GPR141: variants seen among roughly 807,000 people sequenced by gnomAD.
The protein encoded by GPR141 is probable G protein-coupled receptor 141.
A neutral mutation model predicts 6.8 loss-of-function variants in GPR141; 6 were observed. That is an observed-to-expected ratio of 0.88 (90% CI 0.48 to 1.74). The LOEUF is 1.74. Among genes scored for constraint, GPR141 ranks in the 40% most tolerant of loss-of-function variants. The pLI, the probability that GPR141 is intolerant of heterozygous loss-of-function variation, is 0.01. For synonymous variants in GPR141, 140 were observed against 142.3 expected (o/e 0.98, Z 0.11); for missense variants, 372 against 372.9 (o/e 1.00, Z 0.02).
At chr7:37,703,402 T>C (rs1810381504) in intron 2 of GPR141, among the ~76,000 whole-genome samples, 1 of 152,208 alleles carries the variant, frequency 6.6e-6, no homozygotes, top group Non-Finnish European at 1.5e-5. Context: ...AATCTGATGA[T>C]TGATGTTTTT....
In GPR141 at chr7:37,740,918, C is replaced by T. The variant is rs1231732978; in HGVS notation, c.525C>T (p.Tyr175=). 6.2e-7 allele frequency: 1 copy of T among 1,613,970 alleles called. No homozygotes were observed. Among genetic ancestry groups the T allele is most frequent in the African/African-American group, 1.3e-5 (1 of 74,920 alleles). ...HCFKFHKELA[Y]TYVKIINYMI... ...TTAAATTTCACAAAGAGCTTGCTTA[C>T]ACATATGTGAAAATCATCAACTATA... The change falls in exon 3 of 3, where the codon TAC becomes TAT. Residue 175 remains tyrosine, a synonymous_variant. Coordinates refer to ENST00000334425, the MANE Select transcript of GPR141 (RefSeq NM_001381946.1).
At chr7:37,720,113 G>T (rs1445524183) in intron 2 of GPR141, among the ~76,000 whole-genome samples, 1 of 152,216 alleles carries the variant, frequency 6.6e-6, no homozygotes, top group African/African-American at 2.4e-5. Flanking sequence ...GGTGTCGGGA[G>T]ATTGATGGGG....
intron 2 of GPR141, among the ~76,000 whole-genome samples, chr7:37,720,717 G>T (rs962426802): frequency 6.7e-6 from 1 of 149,934 alleles, no homozygotes; most frequent in Non-Finnish European, 1.5e-5. Flanking sequence ...CTCCAGGCTG[G>T]GCAAAAGCCA....
At chr7:37,697,086 C>T (rs1239741918) in intron 2 of GPR141, among the ~76,000 whole-genome samples, 1 of 152,052 alleles carries the variant, frequency 6.6e-6, no homozygotes. Context: ...ATATGTAAAA[C>T]TAATGCCAAG....
At chr7:37,714,837 C>A (rs1224690361) in intron 2 of GPR141, among the ~76,000 whole-genome samples, 2 of 152,170 alleles carry the variant, frequency 1.3e-5, no homozygotes. Flanking sequence ...CTATTATGTT[C>A]TTTGCAATGG....
rs191328161 is a variant in GPR141, at chr7:37,736,747, C to T, written c.-14-3633C>T. Among the ~76,000 whole-genome samples the T allele has an allele frequency of 2.1e-3, 312 of 152,012 alleles. 1 individual carries two copies. The highest frequency in any genetic ancestry group is 3.7e-3 in the Non-Finnish European group (249 of 67,964). On this transcript the variant is annotated intron_variant, in intron 2 of 2. Transcript: ENST00000334425. ...GAAAACATTTTCAGACACACACATA[C>T]GAAAGCTGAGAGAATTTATCCCTAA...
rs147676622 is a variant in GPR141, at chr7:37,717,455, T to C, written c.-14-22925T>C. On this transcript the variant is annotated intron_variant, in intron 2 of 2. Coordinates refer to ENST00000334425, the MANE Select transcript of GPR141 (RefSeq NM_001381946.1). ...TGGAGGTTGTGTATTTGCTGATTGATGCATTTCAGACCATAATGGAGAAGA... is the reference window on the plus strand; with the variant it reads ...TGGAGGTTGTGTATTTGCTGATTGACGCATTTCAGACCATAATGGAGAAGA... 2.5e-3 allele frequency among the ~76,000 whole-genome samples: 381 copies of C among 152,358 alleles called. 2 individuals carry two copies. The highest frequency in any genetic ancestry group is 8.9e-3 in the African/African-American group (370 of 41,588).
chr7:37,692,187 C>T (rs919299741), intron 2 of GPR141, among the ~76,000 whole-genome samples: 5 of 152,100 alleles, frequency 3.3e-5, no homozygotes, highest in African/African-American at 1.2e-4. Context: ...TGATGTTCCC[C>T]TCCCTGTGTC....
intron 2 of GPR141, among the ~76,000 whole-genome samples, chr7:37,739,653 G>A (rs1812432050): frequency 6.6e-6 from 1 of 152,134 alleles, no homozygotes; most frequent in East Asian, 1.9e-4. Context: ...TTGTGGAGCG[G>A]ATCTTTCAGG....
At chr7:37,685,752 CTTTTTTTTTTT>C (rs35789715) in intron 2 of GPR141, among the ~76,000 whole-genome samples, 169 bp downstream of exon 2, 1 of 113,144 alleles carries the variant, frequency 8.8e-6, no homozygotes, top group Non-Finnish European at 1.8e-5. Flanking sequence ...CCTGGCAGCA[CTTTTTTTTTTT>C]TTTTTTTTTT....
At chr7:37,724,736 C>T (rs750893742) in intron 2 of GPR141, among the ~76,000 whole-genome samples, 3 of 152,210 alleles carry the variant, frequency 2.0e-5, no homozygotes, top group Non-Finnish European at 4.4e-5. Context: ...CATTTGTCTG[C>T]TGACAACCTT....
intron 2 of GPR141, among the ~76,000 whole-genome samples, chr7:37,698,221 G>C (rs943081254): frequency 2.6e-5 from 4 of 152,190 alleles, no homozygotes; most frequent in Non-Finnish European, 4.4e-5. Context: ...AAAAGGAAGA[G>C]AGTGATATCT....
At chr7:37,731,689 TGATCCGCCC>T (rs910498198) in intron 2 of GPR141, among the ~76,000 whole-genome samples, 1 of 152,212 alleles carries the variant, frequency 6.6e-6, no homozygotes, top group Non-Finnish European at 1.5e-5. Flanking sequence ...CCTGACCTCG[TGATCCGCCC>T]GCCTCGGCCT....
At chr7:37,691,428 T>TA (rs1809762785) in intron 2 of GPR141, among the ~76,000 whole-genome samples, 2 of 151,904 alleles carry the variant, frequency 1.3e-5, no homozygotes, top group Non-Finnish European at 2.9e-5. Flanking sequence ...GAGAATTTAA[T>TA]CCATTTACAT....
Position 37,740,513 on chromosome 7 carries a change from C to T in GPR141, c.120C>T (p.Phe40=), listed in dbSNP as rs770073216. Residue 40 remains phenylalanine (F), a synonymous_variant, in exon 3 of 3, where the codon TTC becomes TTT. Coordinates refer to ENST00000334425, the MANE Select transcript of GPR141 (RefSeq NM_001381946.1). The part of the protein sequence containing the change: ...GGLVGVISIL[F]LLVKMNTRSV... Reference sequence around the variant, plus strand: ...TGGTGGGTGTCATTTCCATTCTTTTCCTCCTGGTGAAAATGAACACCCGGT... The same window carrying T: ...TGGTGGGTGTCATTTCCATTCTTTTTCTCCTGGTGAAAATGAACACCCGGT... 100 of 1,613,818 alleles carry T rather than the reference C, an allele frequency of 6.2e-5. No homozygotes were observed. The highest frequency in any genetic ancestry group is 8.1e-5 in the Non-Finnish European group (95 of 1,179,934).
intron 2 of GPR141, among the ~76,000 whole-genome samples, chr7:37,738,787 C>T (rs1433251182): frequency 6.6e-6 from 1 of 152,028 alleles, no homozygotes; most frequent in Non-Finnish European, 1.5e-5. Context: ...CTAATCCTTT[C>T]CCCCACAACC....
At position 37,743,686 on chromosome 7, in the gene GPR141, A is replaced by G. The variant is rs1812678838; in HGVS notation, c.*2375A>G. Among the ~76,000 whole-genome samples the G allele has an allele frequency of 6.6e-6, 1 of 152,134 alleles. No individual in the cohort carries two copies. Among genetic ancestry groups the G allele is most frequent in the Non-Finnish European group, 1.5e-5 (1 of 67,998 alleles). On this transcript the variant is annotated 3_prime_UTR_variant, in exon 3 of 3. Transcript: ENST00000334425. ...TTCAAAAGAATTAATCTCTGTATTA[A>G]TCTGTTATAATGTTAACATAACACT... is the stretch of plus-strand genomic sequence containing the variant.
At chr7:37,721,613 A>G (rs1460604756) in intron 2 of GPR141, among the ~76,000 whole-genome samples, 1 of 152,208 alleles carries the variant, frequency 6.6e-6, no homozygotes, top group African/African-American at 2.4e-5. Flanking sequence ...AACATGCCCA[A>G]CGTGTCCTAA....
At chr7:37,693,318 T>A (rs1233952603) in intron 2 of GPR141, among the ~76,000 whole-genome samples, 2 of 152,210 alleles carry the variant, frequency 1.3e-5, no homozygotes, top group African/African-American at 2.4e-5. Context: ...ATTGTAGATA[T>A]GCGGCATTAT....
Sources: allele counts gnomAD v4.1 joint callset (sites outside exome capture counted in the v4.1 genomes callset), GRCh38; gene constraint gnomAD v4.1.1; transcripts MANE v1.5; gene names NCBI Gene and HGNC (gene_info 2026-07-23, HGNC 2026-07-21).